Variants in LRP1B observed in about 807,000 individuals in gnomAD.
The protein encoded by LRP1B is low-density lipoprotein receptor-related protein 1B.
In LRP1B, 217 loss-of-function variants were observed where a neutral mutation model predicts 556.6. The ratio of observed to expected loss-of-function variants is 0.39; its 90% CI spans 0.35 to 0.44. The LOEUF is 0.44. LRP1B is among the 20% of genes least tolerant of loss of function. The probability of loss-of-function intolerance (pLI) is 1.00; values close to 1 mark genes in which losing one functional copy is unlikely to be tolerated. For missense variants in LRP1B, 5,053 were observed against 5,620.8 expected (o/e 0.90, Z 3.23); for synonymous variants, 2,047 against 1,865.8 (o/e 1.10, Z -2.50).
chr2:141,325,005 C>A (rs1687381845), intron 3 of LRP1B, among the ~76,000 whole-genome samples: 1 of 151,998 alleles, frequency 6.6e-6, no homozygotes, highest in Admixed American at 6.6e-5. Context: ...AGACCTCCAT[C>A]TAACACAGAG....
intron 10 of LRP1B, among the ~76,000 whole-genome samples, chr2:141,052,626 A>T (rs1258374384): frequency 2.0e-5 from 3 of 152,088 alleles, no homozygotes; most frequent in Non-Finnish European, 4.4e-5. Context: ...CAAATGTCTT[A>T]CGAACTGTGA....
At chr2:141,332,309 A>C (rs1687683171) in intron 3 of LRP1B, among the ~76,000 whole-genome samples, 1 of 152,036 alleles carries the variant, frequency 6.6e-6, no homozygotes, top group Non-Finnish European at 1.5e-5. Flanking sequence ...TATTTTGTAA[A>C]ATTTGAATGC....
intron 3 of LRP1B, among the ~76,000 whole-genome samples, chr2:141,358,380 G>T (rs1341116855): frequency 6.6e-6 from 1 of 152,188 alleles, no homozygotes; most frequent in African/African-American, 2.4e-5. Context: ...TGCAAACCTT[G>T]ATGGACTTCA....
intron 7 of LRP1B, among the ~76,000 whole-genome samples, chr2:141,136,240 G>C (rs533687406): frequency 6.6e-5 from 10 of 151,932 alleles, no homozygotes; most frequent in Non-Finnish European, 1.2e-4. Context: ...TTCACAGAGG[G>C]TTAACTGGAA....
At chr2:140,673,241 A>G (rs1194302299) in intron 41 of LRP1B, among the ~76,000 whole-genome samples, 3 of 152,224 alleles carry the variant, frequency 2.0e-5, no homozygotes, top group African/African-American at 7.2e-5. Context: ...CTCCTGCTCT[A>G]TGTATAATGG....
chr2:140,826,044 A>T (rs1177349359), intron 31 of LRP1B, among the ~76,000 whole-genome samples: 4 of 152,222 alleles, frequency 2.6e-5, no homozygotes, highest in Admixed American at 6.5e-5. Context: ...CCTTATGAAC[A>T]GAATTGAGGT....
chr2:141,115,462 T>G (rs1291959081), intron 7 of LRP1B, among the ~76,000 whole-genome samples: 1 of 145,882 alleles, frequency 6.9e-6, no homozygotes, highest in African/African-American at 2.6e-5. Context: ...GTTTTTGTTT[T>G]TTTTTTTTTT....
intron 2 of LRP1B, among the ~76,000 whole-genome samples, chr2:141,585,871 G>A (rs1029433159): frequency 6.7e-6 from 1 of 148,970 alleles, no homozygotes; most frequent in African/African-American, 2.5e-5. Context: ...TCAGTAGCTG[G>A]GACTACAGGT....
intron 67 of LRP1B, among the ~76,000 whole-genome samples, chr2:140,380,887 C>T (rs569148334): frequency 2.0e-5 from 3 of 152,256 alleles, no homozygotes; most frequent in Admixed American, 1.3e-4. Flanking sequence ...TTTGTCCTAA[C>T]ATTATTAATT....
At chr2:141,799,721 T>C (rs777860525) in intron 2 of LRP1B, among the ~76,000 whole-genome samples, 7 of 151,934 alleles carry the variant, frequency 4.6e-5, no homozygotes, top group Non-Finnish European at 8.8e-5. Flanking sequence ...AAATTTGTGG[T>C]AATTTATTAC....
intron 37 of LRP1B, among the ~76,000 whole-genome samples, chr2:140,704,614 A>G (rs1686762734): frequency 6.6e-6 from 1 of 152,128 alleles, no homozygotes; most frequent in Non-Finnish European, 1.5e-5. Context: ...ATATTATTCA[A>G]TATAAAATAA....
In LRP1B at chr2:140,308,791, G is replaced by A. The variant is rs114861099; in HGVS notation, c.12805+6144C>T. Among the ~76,000 whole-genome samples the A allele has an allele frequency of 5.4e-3, 815 of 151,810 alleles. 5 individuals carry two copies. Among genetic ancestry groups the A allele is most frequent in the South Asian group, 0.014 (67 of 4,816 alleles). On this transcript the variant is annotated intron_variant, in intron 83 of 90. Coordinates refer to ENST00000389484, the MANE Select transcript of LRP1B (RefSeq NM_018557.3). ...ATAGTTATAAATGTTTATATTTAATGCCCTTCTATGAAAATACTATCAAAA... is the reference window on the plus strand; with the variant it reads ...ATAGTTATAAATGTTTATATTTAATACCCTTCTATGAAAATACTATCAAAA...
rs567540657 is a variant in LRP1B, at chr2:141,098,450, G to T, written c.1014-36177C>A. Among the ~76,000 whole-genome samples, 5 of 152,176 alleles carry T rather than the reference G, an allele frequency of 3.3e-5. No individual in the cohort carries two copies. The South Asian group carries it at 1.0e-3, about 32-fold the overall frequency. ...TTTTTATTATGTAAAAGTAAGTAAT[G>T]GTAGTAGAACATTAAAGATATTCAA... On this transcript the variant is annotated intron_variant, in intron 7 of 90. Transcript: ENST00000389484.
chr2:142,063,089 A>T (rs1347098647), intron 1 of LRP1B, among the ~76,000 whole-genome samples: 1 of 150,296 alleles, frequency 6.7e-6, no homozygotes, highest in Middle Eastern at 3.4e-3. Flanking sequence ...TAAAAACACT[A>T]ACAGTACCAG....
chr2:141,552,385 G>A (rs11695833), intron 2 of LRP1B, among the ~76,000 whole-genome samples: 11,401 of 151,946 alleles, frequency 0.075, 534 homozygotes, highest in South Asian at 0.13. Flanking sequence ...TTAAAACAGA[G>A]CAATTTTGTA....
At chr2:140,315,963 T>G (rs1684503417) in intron 82 of LRP1B, among the ~76,000 whole-genome samples, 1 of 152,170 alleles carries the variant, frequency 6.6e-6, no homozygotes, top group African/African-American at 2.4e-5. Context: ...TCCTAAATGA[T>G]TCCGTAGAGT....
At chr2:141,287,196 C>A (rs1439736105) in intron 3 of LRP1B, among the ~76,000 whole-genome samples, 1 of 152,012 alleles carries the variant, frequency 6.6e-6, no homozygotes, top group Non-Finnish European at 1.5e-5. Context: ...TTATTAATTT[C>A]TGTTGTTATG....
chr2:142,011,089 T>TTATATTA (rs1284510220), intron 1 of LRP1B, among the ~76,000 whole-genome samples: 1 of 152,190 alleles, frequency 6.6e-6, no homozygotes, highest in Admixed American at 6.5e-5. Flanking sequence ...TGCAGACTTG[T>TTATATTA]TATATTATTT....
intron 11 of LRP1B, among the ~76,000 whole-genome samples, chr2:141,023,622 A>G (rs72975048): frequency 0.015 from 2,339 of 152,080 alleles, 70 homozygotes; most frequent in African/African-American, 0.053. Flanking sequence ...AAAGTTTTAT[A>G]TACTTAAAAT....
Sources: gnomAD v4.1 joint callset for allele counts (sites outside exome capture counted in the v4.1 genomes callset) on GRCh38, gnomAD v4.1.1 for gene constraint, MANE v1.5 for transcripts, NCBI Gene and HGNC (gene_info 2026-07-23, HGNC 2026-07-21) for gene names.